The following MAP4K3 variants were observed in gnomAD, a reference collection of about 807,000 sequenced individuals.
MAP4K3 encodes mitogen-activated protein kinase kinase kinase kinase 3, also known as MAPK/ERK kinase kinase kinase 3.
In MAP4K3, 94 loss-of-function variants were observed where a neutral mutation model predicts 143.5. That is an observed-to-expected ratio of 0.65 (90% confidence interval 0.55 to 0.78). The LOEUF is 0.78. MAP4K3 is among the 30% of genes least tolerant of loss of function. MAP4K3 has a pLI of 0.00. For synonymous variants in MAP4K3, 416 were observed against 347.2 expected (o/e 1.20, Z -2.20); for missense variants, 1,077 against 1,068.1 (o/e 1.01, Z -0.12).
At chr2:39,420,763 T>A (rs762740497) in intron 1 of MAP4K3, among the ~76,000 whole-genome samples, 60 of 152,126 alleles carry the variant, frequency 3.9e-4, no homozygotes, top group Non-Finnish European at 4.7e-4. Context: ...AGAGCTATTA[T>A]TCCTTTGAAA....
At chr2:39,436,529 C>A (rs1180528596) in intron 1 of MAP4K3, 2 of 234,388 alleles carry the variant, frequency 8.5e-6, no homozygotes, top group Non-Finnish European at 1.7e-5. Flanking sequence ...ACACCAGACC[C>A]CTGCTGTCCG....
At chr2:39,431,041 A>T (rs1175566606) in intron 1 of MAP4K3, among the ~76,000 whole-genome samples, 7 of 152,224 alleles carry the variant, frequency 4.6e-5, no homozygotes, top group African/African-American at 1.7e-4. Flanking sequence ...CTGGGGATAC[A>T]GCAATGAACA....
chr2:39,400,434 CTCTTT>C (rs1228625768), intron 1 of MAP4K3, among the ~76,000 whole-genome samples: 2 of 152,116 alleles, frequency 1.3e-5, no homozygotes, highest in Admixed American at 6.5e-5. Flanking sequence ...TTTATGCCTT[CTCTTT>C]TATTTCTTGG....
intron 1 of MAP4K3, among the ~76,000 whole-genome samples, chr2:39,383,188 G>T (rs1239839009): frequency 6.6e-6 from 1 of 152,190 alleles, no homozygotes; most frequent in African/African-American, 2.4e-5. Context: ...CTGCGACTCG[G>T]TAATTTATAA....
chr2:39,347,155 T>C (rs1573181373), intron 3 of MAP4K3, among the ~76,000 whole-genome samples: 1 of 152,202 alleles, frequency 6.6e-6, no homozygotes. Flanking sequence ...AATGACGTCA[T>C]CCCTGACAGC....
intron 16 of MAP4K3, among the ~76,000 whole-genome samples, chr2:39,296,986 T>C (rs1165053555): frequency 2.0e-5 from 3 of 152,230 alleles, no homozygotes; most frequent in African/African-American, 4.8e-5. Flanking sequence ...TGGCATTTAC[T>C]ACTACTATAC....
At chr2:39,409,328 G>A (rs6712399) in intron 1 of MAP4K3, among the ~76,000 whole-genome samples, 10,799 of 152,172 alleles carry the variant, frequency 0.071, 465 homozygotes, top group Middle Eastern at 0.11. Flanking sequence ...TTAAGCTTTG[G>A]GGAAGTCAAA....
intron 6 of MAP4K3, among the ~76,000 whole-genome samples, chr2:39,334,813 G>C (rs959423168): frequency 1.3e-5 from 2 of 152,046 alleles, no homozygotes; most frequent in Non-Finnish European, 2.9e-5. Flanking sequence ...CATCCAAGTA[G>C]GAGGAAAAAA....
intron 2 of MAP4K3, among the ~76,000 whole-genome samples, chr2:39,361,093 T>TG (rs1665756565): frequency 6.6e-6 from 1 of 152,214 alleles, no homozygotes; most frequent in African/African-American, 2.4e-5. Flanking sequence ...TTATAAAACT[T>TG]GGTTTCACAA....
chr2:39,304,539 G>A (rs1682626887), intron 15 of MAP4K3, among the ~76,000 whole-genome samples: 1 of 152,170 alleles, frequency 6.6e-6, no homozygotes, highest in Admixed American at 6.5e-5. Context: ...ATTATCGAAA[G>A]TCAAAAACAA....
chr2:39,293,148 T>C (rs1320795755), intron 17 of MAP4K3, 82 bp downstream of exon 17: 1 of 979,396 alleles, frequency 1.0e-6, no homozygotes, highest in Non-Finnish European at 1.5e-6. Context: ...CGCAAACAAA[T>C]AGGCTACATA....
At chr2:39,435,189 T>C (rs1041727952) in intron 1 of MAP4K3, among the ~76,000 whole-genome samples, 2 of 150,392 alleles carry the variant, frequency 1.3e-5, no homozygotes, top group African/African-American at 4.8e-5. Context: ...ACACCATTAT[T>C]CTTACCTAGA....
chr2:39,377,215 T>TTTTTTTTTTTTTAAA (rs1553421056), intron 2 of MAP4K3, among the ~76,000 whole-genome samples: 1 of 150,092 alleles, frequency 6.7e-6, no homozygotes, highest in Non-Finnish European at 1.5e-5. Context: ...TTTTTTTTTT[T>TTTTTTTTTTTTTAAA]AAACAGAAAA....
intron 1 of MAP4K3, among the ~76,000 whole-genome samples, chr2:39,384,614 AATGATCTGT>A (rs1390198650): frequency 2.0e-5 from 3 of 152,218 alleles, no homozygotes; most frequent in African/African-American, 7.2e-5. Flanking sequence ...CATTGATGGA[AATGATCTGT>A]ATCTGCAATA....
At chr2:39,333,399 C>A (rs960660375) in intron 7 of MAP4K3, 133 bp downstream of exon 7, 5 of 657,566 alleles carry the variant, frequency 7.6e-6, no homozygotes, top group Non-Finnish European at 1.4e-5. Flanking sequence ...GACAGCATGG[C>A]AACGAGATTT....
At chr2:39,384,563 C>G (rs1666442885) in intron 1 of MAP4K3, among the ~76,000 whole-genome samples, 1 of 152,108 alleles carries the variant, frequency 6.6e-6, no homozygotes, top group Non-Finnish European at 1.5e-5. Flanking sequence ...ACAACAGCAA[C>G]AAAACAAAGA....
At chr2:39,407,464 G>A (rs1453387911) in intron 1 of MAP4K3, among the ~76,000 whole-genome samples, 1 of 152,198 alleles carries the variant, frequency 6.6e-6, no homozygotes, top group Non-Finnish European at 1.5e-5. Context: ...AACAGCTACT[G>A]CCAACCAAGA....
At chr2:39,358,713 G>T (rs1665680420) in intron 2 of MAP4K3, among the ~76,000 whole-genome samples, 1 of 152,124 alleles carries the variant, frequency 6.6e-6, no homozygotes, top group Non-Finnish European at 1.5e-5. Flanking sequence ...TAAGAAAAAA[G>T]TAGAGTTTAA....
rs907847766 is a variant in MAP4K3 at position 39,369,343 on chromosome 2, G to A, written c.154+8723C>T. On this transcript the variant is annotated intron_variant, in intron 2 of 33. Coordinates refer to ENST00000263881, the MANE Select transcript of MAP4K3 (RefSeq NM_003618.4). ...CTCAAGTAGCTGGGAATACAGGTGC[G>A]AGCCACCAAGCCAGGCTGATCGTGA... 3.3e-5 allele frequency among the ~76,000 whole-genome samples: 5 copies of A among 151,736 alleles called. No homozygotes were observed. In the East Asian group the frequency reaches 7.7e-4, roughly 23 times the overall value.
Sources: gnomAD v4.1 joint callset for allele counts (sites outside exome capture counted in the v4.1 genomes callset) on GRCh38, gnomAD v4.1.1 for gene constraint, MANE v1.5 for transcripts, NCBI Gene and HGNC (gene_info 2026-07-23, HGNC 2026-07-21) for gene names.